The following DMXL2 variants were observed in gnomAD, a reference collection of about 807,000 sequenced individuals.
DMXL2 encodes the protein dmX-like protein 2.
In DMXL2, 103 loss-of-function variants were observed where a neutral mutation model predicts 331.1. That is an observed-to-expected ratio of 0.31 (90% CI 0.27 to 0.37). DMXL2 has a LOEUF of 0.37. Among genes scored for constraint, DMXL2 ranks in the 10% least tolerant of loss-of-function variants. The probability of loss-of-function intolerance (pLI) is 1.00; values close to 1 mark genes in which losing one functional copy is unlikely to be tolerated. For synonymous variants in DMXL2, 1,281 were observed against 1,252.1 expected, an observed-to-expected ratio of 1.02 and a Z score of -0.49; for missense variants, 3,171 against 3,642.9, an observed-to-expected ratio of 0.87 and a Z score of 3.33.
chr15:51,608,161 G>T (rs1303411385), intron 1 of DMXL2, among the ~76,000 whole-genome samples: 1 of 151,128 alleles, frequency 6.6e-6, no homozygotes. Flanking sequence ...CTCCAGCCTG[G>T]GCAACAGAGC....
Position 51,495,103 on chromosome 15 carries a change from T to C in DMXL2, c.4704A>G (p.Arg1568=). The C allele has an allele frequency of 6.2e-7, 1 of 1,612,994 alleles. No homozygotes were observed. ...GRDTLDECGL[R]YLLAMRLHTC... The stretch of plus-strand genomic sequence containing the variant: ...TGTGTAGGCGCATAGCTAACAAGTA[T>C]CTCAAACCACACTCATCTAATGTAT... The change falls in exon 19 of 44, where the codon AGA becomes AGG. Residue 1568 remains arginine (R), a synonymous_variant. Coordinates refer to ENST00000560891, the MANE Select transcript of DMXL2 (RefSeq NM_001378457.1).
At chr15:51,463,548 T>C (rs976332838) in intron 32 of DMXL2, 52 bp from the exon 33 acceptor site, 1 of 1,043,666 alleles carries the variant, frequency 9.6e-7, no homozygotes, top group Non-Finnish European at 1.4e-6. Flanking sequence ...GAAAATATGT[T>C]TATATTTGCA....
chr15:51,494,372 G>A (rs995226162), intron 19 of DMXL2, among the ~76,000 whole-genome samples: 5 of 152,158 alleles, frequency 3.3e-5, no homozygotes, highest in Non-Finnish European at 5.9e-5. Context: ...TTTCCAAGAT[G>A]TTGGTTTCAA....
At chr15:51,466,058 C>A in intron 30 of DMXL2, 126 bp downstream of exon 30, 1 of 857,162 alleles carries the variant, frequency 1.2e-6, no homozygotes, top group Non-Finnish European at 1.7e-6. Context: ...GAATTTGTAA[C>A]CTGGAAACAT....
chr15:51,547,913 TA>T (rs747586336), intron 6 of DMXL2, among the ~76,000 whole-genome samples: 147 of 152,142 alleles, frequency 9.7e-4, no homozygotes, highest in Non-Finnish European at 2.0e-3. Context: ...CTTTGTGGGC[TA>T]CACAGGTCTA....
At chr15:51,483,306 G>A (rs918329758) in intron 23 of DMXL2, among the ~76,000 whole-genome samples, 1 of 152,144 alleles carries the variant, frequency 6.6e-6, no homozygotes, top group African/African-American at 2.4e-5. Flanking sequence ...GCACTGCTCT[G>A]GGGGCCAGGA....
intron 2 of DMXL2, among the ~76,000 whole-genome samples, chr15:51,569,323 G>A (rs931851687): frequency 6.6e-5 from 10 of 152,312 alleles, no homozygotes; most frequent in Middle Eastern, 3.4e-3. Flanking sequence ...AAAGCTGCTG[G>A]GAAGTTTGAA....
chr15:51,501,324 A>G (rs908941356), intron 17 of DMXL2, among the ~76,000 whole-genome samples: 2 of 152,218 alleles, frequency 1.3e-5, no homozygotes, highest in African/African-American at 4.8e-5. Context: ...CTCCCCAATT[A>G]AAATTCTGCA....
At position 51,499,196 on chromosome 15, in the gene DMXL2, G is replaced by A; in HGVS notation, c.4028C>T (p.Thr1343Ile). 3 of 1,614,062 alleles carry A rather than the reference G, an allele frequency of 1.9e-6. No homozygotes were observed. The highest frequency in any genetic ancestry group is 2.2e-5 in the East Asian group (1 of 44,876). ...LFEAAHVLSPTLPQYHPTQLL... is the reference protein window; with the variant it reads ...LFEAAHVLSPILPQYHPTQLL... ...CTGAGTTGGATGATATTGTGGAAGA[G>A]TAGGGGAAAGTACATGTGCAGCCTC... is the stretch of plus-strand genomic sequence containing the variant. The change falls in exon 18 of 44, where the codon ACT (threonine) becomes ATT (isoleucine). Residue 1343 changes from threonine (T) to isoleucine (I), a missense_variant. By Grantham distance (89) the Thr-to-Ile change is moderately conservative (BLOSUM62 -1). This residue lies in a region of DMXL2 where 1,674 missense variants were observed against 1,780.2 expected (regional missense o/e 0.94). Coordinates refer to ENST00000560891, the MANE Select transcript of DMXL2 (RefSeq NM_001378457.1).
intron 17 of DMXL2, among the ~76,000 whole-genome samples, chr15:51,500,477 T>C (rs906140767): frequency 1.3e-5 from 2 of 152,222 alleles, no homozygotes; most frequent in Non-Finnish European, 1.5e-5. Flanking sequence ...TGTTTTTAGG[T>C]AATTAAGTTT....
chr15:51,602,609 G>A lies in DMXL2; in HGVS notation c.87+19850C>T, dbSNP rs1038733329. On this transcript the variant is annotated intron_variant, in intron 1 of 43. Coordinates refer to ENST00000560891, the MANE Select transcript of DMXL2 (RefSeq NM_001378457.1). ...ACTCCCGGGCTCATCCCCAGGCTGT[G>A]CAAGCATAATCTTAAGCTTAAACAG... is the stretch of plus-strand genomic sequence containing the variant. Among the ~76,000 whole-genome samples, 4 of 152,188 alleles carry A rather than the reference G, an allele frequency of 2.6e-5. No individual in the cohort carries two copies. In the East Asian group the frequency reaches 7.7e-4, roughly 29 times the overall value.
At chr15:51,545,464 A>G in intron 8 of DMXL2, 119 bp downstream of exon 8, 1 of 794,986 alleles carries the variant, frequency 1.3e-6, no homozygotes, top group Non-Finnish European at 2.0e-6. Context: ...ATGAGAGTTT[A>G]TTGCTATTAA....
chr15:51,488,050 A>G lies in DMXL2; in HGVS notation c.5121T>C (p.Ala1707=). ...GTAAGGAAAAAGCATTTTTCAAAGC[A>G]GCTTTTCGCCATCTATCTTCATTAA... The part of the protein sequence containing the change: ...HNFNEDRWRK[A]ALKNAFSLLG... The change falls in exon 22 of 44, where the codon GCT becomes GCC. Residue 1707 remains alanine, a synonymous_variant. Transcript: ENST00000560891. 7 of 1,613,220 alleles carry G rather than the reference A, an allele frequency of 4.3e-6. No homozygotes were observed. The highest frequency in any genetic ancestry group is 5.9e-6 in the Non-Finnish European group (7 of 1,179,770).
chr15:51,498,939 G>C lies in DMXL2; in HGVS notation c.4285C>G (p.Leu1429Val). The stretch of plus-strand genomic sequence containing the variant: ...GCAGCAAGTAATGCATATAGTGGTA[G>C]TGGAGGGATAGAATCTATCTCAGTA... ...DYTEIDSIPP[L>V]PLYALLAADQ... The change falls in exon 18 of 44, where the codon CTA becomes GTA. Residue 1429 changes from leucine to valine, a missense_variant. Coordinates refer to ENST00000560891, the MANE Select transcript of DMXL2 (RefSeq NM_001378457.1). The C allele has an allele frequency of 1.2e-6, 2 of 1,614,128 alleles. No homozygotes were observed. Among genetic ancestry groups the C allele is most frequent in the Non-Finnish European group, 1.7e-6 (2 of 1,180,020 alleles).
chr15:51,563,446 T>C lies in DMXL2; in HGVS notation c.502A>G (p.Thr168Ala). 1 of 1,601,824 alleles carries C rather than the reference T, an allele frequency of 6.2e-7. No individual in the cohort carries two copies. Among genetic ancestry groups the C allele is most frequent in the Non-Finnish European group, 8.5e-7 (1 of 1,175,086 alleles). Residue 168 changes from threonine (T) to alanine (A), a missense_variant and splice_region_variant, in exon 6 of 44, where the codon ACC (threonine) becomes GCC (alanine). This residue lies in a region of DMXL2 where 1,674 missense variants were observed against 1,780.2 expected (regional missense o/e 0.94). Transcript: ENST00000560891. Reference protein sequence around the residue: ...NDWKCVWQCKTSVSVHLMEWS... With the variant: ...NDWKCVWQCKASVSVHLMEWS... ...TCCATCAAATGTACAGATACTGAGGTTCTAAAAAAGAGAGAGTTAGGCAAT... is the reference window on the plus strand; with the variant it reads ...TCCATCAAATGTACAGATACTGAGGCTCTAAAAAAGAGAGAGTTAGGCAAT...
At chr15:51,492,497 G>T (rs2042880938) in intron 19 of DMXL2, among the ~76,000 whole-genome samples, 1 of 151,246 alleles carries the variant, frequency 6.6e-6, no homozygotes, top group East Asian at 1.9e-4. Flanking sequence ...GGGTTTGTTT[G>T]TTTTTTTTTA....
chr15:51,494,632 C>T (rs2043042859), intron 19 of DMXL2, among the ~76,000 whole-genome samples: 1 of 152,108 alleles, frequency 6.6e-6, no homozygotes, highest in African/African-American at 2.4e-5. Flanking sequence ...TGGCAAATAA[C>T]TAGAACATAA....
chr15:51,507,309 A>T, intron 15 of DMXL2, 56 bp from the exon 16 acceptor site: 1 of 1,510,150 alleles, frequency 6.6e-7, no homozygotes, highest in Non-Finnish European at 8.9e-7. Flanking sequence ...GGGTTAAAAA[A>T]ACACTTTTTA....
chr15:51,491,402 T>C (rs137968989), intron 20 of DMXL2, among the ~76,000 whole-genome samples, 176 bp downstream of exon 20: 1,764 of 151,888 alleles, frequency 0.012, 26 homozygotes, highest in East Asian at 0.026. Flanking sequence ...GATCACACCA[T>C]TGCACTCCAG....
Sources: allele counts gnomAD v4.1 joint callset (sites outside exome capture counted in the v4.1 genomes callset), GRCh38; gene constraint gnomAD v4.1.1; regional missense constraint gnomAD v4.1.1; transcripts MANE v1.5; gene names NCBI Gene and HGNC (gene_info 2026-07-23, HGNC 2026-07-21).